The following AGBL1 variants were observed in gnomAD, a reference collection of about 807,000 sequenced individuals.
The protein encoded by AGBL1 is AGBL carboxypeptidase 1.
A neutral mutation model predicts 118.9 loss-of-function variants in AGBL1; 130 were observed. The observed-to-expected ratio is 1.09, with a 90% CI of 0.95 to 1.26. The LOEUF (loss-of-function observed/expected upper bound fraction) is 1.26. AGBL1 is among the 50% of genes most tolerant of loss of function. The probability of loss-of-function intolerance (pLI) is 0.00; values close to 1 mark genes in which losing one functional copy is unlikely to be tolerated. For missense variants in AGBL1, 1,584 were observed against 1,298.1 expected (o/e 1.22, Z -3.38); for synonymous variants, 555 against 478.9 (o/e 1.16, Z -2.08).
chr15:86,506,749 G>A (rs1398909865), intron 18 of AGBL1, among the ~76,000 whole-genome samples: 1 of 152,038 alleles, frequency 6.6e-6, no homozygotes, highest in African/African-American at 2.4e-5. Flanking sequence ...CTTAGAGGGA[G>A]GGGAGAGGTA....
chr15:86,280,071 C>T (rs969100375), intron 16 of AGBL1, among the ~76,000 whole-genome samples: 1 of 152,164 alleles, frequency 6.6e-6, no homozygotes, highest in Non-Finnish European at 1.5e-5. Context: ...TTAAGAGACT[C>T]TGTCTTTAAA....
In AGBL1 at chr15:86,875,136, G is replaced by C. The variant is rs540580333; in HGVS notation, c.3159-31951G>C. Among the ~76,000 whole-genome samples, 5 of 152,236 alleles carry C rather than the reference G, an allele frequency of 3.3e-5. No homozygotes were observed. The South Asian group carries it at 1.0e-3, about 32-fold the overall frequency. ...TTTGTTCATGACCCCCAGAGAAAAC[G>C]TGTCACAATTTCTCTTCCCTGTAAA... On this transcript the variant is annotated intron_variant, in intron 22 of 22. Transcript: ENST00000614907.
intron 22 of AGBL1, among the ~76,000 whole-genome samples, chr15:86,727,365 A>ACGACTAT (rs1184858416): frequency 2.6e-5 from 4 of 152,192 alleles, no homozygotes; most frequent in Admixed American, 6.5e-5. Context: ...TGGGCTGGCA[A>ACGACTAT]CGACTATTTT....
chr15:86,152,955 A>T (rs934545723), intron 3 of AGBL1, among the ~76,000 whole-genome samples: 6 of 152,264 alleles, frequency 3.9e-5, no homozygotes, highest in Non-Finnish European at 8.8e-5. Flanking sequence ...TCAAAACCAC[A>T]ATGAGATACC....
intron 16 of AGBL1, among the ~76,000 whole-genome samples, chr15:86,281,600 A>C (rs2079356212): frequency 6.6e-6 from 1 of 152,110 alleles, no homozygotes; most frequent in Non-Finnish European, 1.5e-5. Context: ...GGTTGGGTGA[A>C]GTTGTCTAAT....
rs1157674222 is a variant in AGBL1 at position 86,636,702 on chromosome 15, CATATATATATATATATATATATAT to C, written c.2995-37537_2995-37514del. ...TACAGCTTTGCATGGAACCACCAGT[CATATATATATATATATATATATAT>C]ATATATATATATATATATATATATA... On this transcript the variant is annotated intron_variant, in intron 21 of 22. Coordinates refer to ENST00000614907, the MANE Select transcript of AGBL1 (RefSeq NM_001386094.1). Among the ~76,000 whole-genome samples, 50 of 26,776 alleles carry C rather than the reference CATATATATATATATATATATATAT, an allele frequency of 1.9e-3. 2 individuals are homozygous for C. The highest frequency in any genetic ancestry group is 2.5e-3 in the African/African-American group (25 of 10,026). 17.6% of individuals were successfully genotyped at this position (26,776 alleles called of 152,430 possible).
chr15:86,827,097 C>CT lies in AGBL1; in HGVS notation c.3159-79989dup, dbSNP rs1233816399. On this transcript the variant is annotated intron_variant, in intron 22 of 22. Coordinates refer to ENST00000614907, the MANE Select transcript of AGBL1 (RefSeq NM_001386094.1). Reference sequence around the variant, plus strand: ...CTGATTTCCCCCAAAGGGCCCTGTGCTAGGATTACTATGTATGAGGAGCAG... The same window carrying CT: ...CTGATTTCCCCCAAAGGGCCCTGTGCTTAGGATTACTATGTATGAGGAGCAG... Among the ~76,000 whole-genome samples the CT allele has an allele frequency of 3.3e-5, 5 of 150,444 alleles. No individual in the cohort carries two copies. The East Asian group carries it at 1.0e-3, about 30-fold the overall frequency.
chr15:86,153,670 A>G (rs1388080842), intron 3 of AGBL1, among the ~76,000 whole-genome samples: 1 of 152,226 alleles, frequency 6.6e-6, no homozygotes, highest in Non-Finnish European at 1.5e-5. Context: ...TAAAAAAGAA[A>G]GAAACATTAG....
At chr15:86,475,104 T>TA (rs1596161590) in intron 18 of AGBL1, among the ~76,000 whole-genome samples, 1 of 152,030 alleles carries the variant, frequency 6.6e-6, no homozygotes, top group East Asian at 1.9e-4. Context: ...CAAAGGCAGA[T>TA]AAAACCACAA....
chr15:86,986,352 T>A (rs1318758308), intron 23 of AGBL1, among the ~76,000 whole-genome samples: 1 of 152,226 alleles, frequency 6.6e-6, no homozygotes, highest in African/African-American at 2.4e-5. Flanking sequence ...TCCTAGCTTG[T>A]TACAACTATA....
intron 17 of AGBL1, among the ~76,000 whole-genome samples, chr15:86,359,241 A>G (rs779615175): frequency 2.0e-5 from 3 of 151,914 alleles, no homozygotes; most frequent in Admixed American, 6.6e-5. Context: ...GCATGTGGAT[A>G]TCCAGTTTTT....
intron 21 of AGBL1, among the ~76,000 whole-genome samples, chr15:86,629,930 G>T (rs1375834640): frequency 6.6e-6 from 1 of 152,192 alleles, no homozygotes; most frequent in Non-Finnish European, 1.5e-5. Flanking sequence ...CTCCTTAGTA[G>T]AACTAATTAG....
intron 5 of AGBL1, among the ~76,000 whole-genome samples, chr15:86,182,685 A>G (rs1250013771): frequency 6.6e-6 from 1 of 152,170 alleles, no homozygotes; most frequent in Non-Finnish European, 1.5e-5. Flanking sequence ...CTATTTCAGC[A>G]TTGCAGAAGC....
At chr15:86,655,919 G>A (rs1288021217) in intron 21 of AGBL1, among the ~76,000 whole-genome samples, 1 of 152,190 alleles carries the variant, frequency 6.6e-6, no homozygotes, top group East Asian at 1.9e-4. Context: ...AAGACTGGCA[G>A]ATAATTTAAA....
chr15:86,127,468 A>G (rs1156278246), intron 1 of AGBL1, among the ~76,000 whole-genome samples: 3 of 152,174 alleles, frequency 2.0e-5, no homozygotes, highest in Non-Finnish European at 4.4e-5. Context: ...ACTTTGGCCT[A>G]TAGTGTGGTG....
intron 22 of AGBL1, among the ~76,000 whole-genome samples, chr15:86,829,380 G>C (rs1184011432): frequency 2.0e-5 from 3 of 152,154 alleles, no homozygotes; most frequent in African/African-American, 7.2e-5. Context: ...TGCAATGCAG[G>C]CTGCCCTTCC....
chr15:86,358,943 T>G (rs948589614), intron 17 of AGBL1, among the ~76,000 whole-genome samples: 21 of 151,926 alleles, frequency 1.4e-4, no homozygotes, highest in African/African-American at 5.1e-4. Flanking sequence ...AGATGTATGA[T>G]TTGCAAGTAT....
chr15:86,883,164 A>G (rs1041911492), intron 22 of AGBL1, among the ~76,000 whole-genome samples: 2 of 152,254 alleles, frequency 1.3e-5, no homozygotes, highest in African/African-American at 4.8e-5. Context: ...TTTTTAAATT[A>G]AACAGCTAAT....
intron 21 of AGBL1, among the ~76,000 whole-genome samples, chr15:86,668,642 G>T (rs2085688107): frequency 1.3e-5 from 2 of 152,100 alleles, no homozygotes; most frequent in African/African-American, 2.4e-5. Context: ...AAAAGTGATT[G>T]CCAGAGGTTG....
Sources: gnomAD v4.1 joint callset for allele counts (sites outside exome capture counted in the v4.1 genomes callset) on GRCh38, gnomAD v4.1.1 for gene constraint, MANE v1.5 for transcripts, NCBI Gene and HGNC (gene_info 2026-07-23, HGNC 2026-07-21) for gene names.